Variants in CLEC16A observed in about 807,000 individuals in gnomAD.
CLEC16A encodes C-type lectin domain containing 16A.
CLEC16A carries 51 observed loss-of-function variants against 109.5 expected under a neutral mutation model. The ratio of observed to expected loss-of-function variants is 0.47; its 90% CI spans 0.37 to 0.59. CLEC16A has a LOEUF of 0.59. CLEC16A is among the 20% of genes least tolerant of loss of function. The pLI is 0.00. For synonymous variants in CLEC16A, 673 were observed against 564.2 expected (o/e 1.19, Z -2.73); for missense variants, 1,339 against 1,394.0 (o/e 0.96, Z 0.63).
chr16:11,170,353 A>G (rs2068454942), intron 23 of CLEC16A, among the ~76,000 whole-genome samples: 1 of 152,214 alleles, frequency 6.6e-6, no homozygotes. Context: ...AGTGGACCCC[A>G]GGGAGCCCAC....
intron 10 of CLEC16A, among the ~76,000 whole-genome samples, chr16:11,002,359 C>T (rs576395333): frequency 6.6e-6 from 1 of 151,738 alleles, no homozygotes; most frequent in South Asian, 2.1e-4. Flanking sequence ...GTAAAGTGCA[C>T]CATTTCTGAC....
At chr16:11,030,898 G>C (rs2046704649) in intron 13 of CLEC16A, among the ~76,000 whole-genome samples, 1 of 152,220 alleles carries the variant, frequency 6.6e-6, no homozygotes, top group Non-Finnish European at 1.5e-5. Flanking sequence ...ACCCGCCTCA[G>C]CCTCGAGAGT....
At chr16:11,134,110 G>A (rs900756882) in intron 22 of CLEC16A, among the ~76,000 whole-genome samples, 3 of 151,446 alleles carry the variant, frequency 2.0e-5, no homozygotes, top group Non-Finnish European at 2.9e-5. Flanking sequence ...TCCCTCCAGC[G>A]TCAGACCCTG....
Position 11,015,311 on chromosome 16 carries a change from G to C in CLEC16A, c.1304-4882G>C, listed in dbSNP as rs144551039. ...GAGGCCCATGTGGGTCTGGTTCTGC[G>C]TCAAGATGTGACACGGGGGTTGGGG... On this transcript the variant is annotated intron_variant, in intron 11 of 23. Coordinates refer to ENST00000409790, the MANE Select transcript of CLEC16A (RefSeq NM_015226.3). Among the ~76,000 whole-genome samples the C allele has an allele frequency of 6.0e-4, 91 of 151,880 alleles. 1 individual carries two copies. Among genetic ancestry groups the C allele is most frequent in the Non-Finnish European group, 1.3e-4 (9 of 67,948 alleles).
At chr16:11,066,228 G>C (rs541280416) in intron 19 of CLEC16A, among the ~76,000 whole-genome samples, 2 of 152,294 alleles carry the variant, frequency 1.3e-5, no homozygotes, top group South Asian at 4.1e-4. Context: ...GTGCCTGACA[G>C]AATTGCAGAG....
At position 10,982,871 on chromosome 16, in the gene CLEC16A, C is replaced by A. The variant is rs777680357; in HGVS notation, c.958-7C>A. 3 of 1,521,838 alleles carry A rather than the reference C, an allele frequency of 2.0e-6. No homozygotes were observed. Among genetic ancestry groups the A allele is most frequent in the Non-Finnish European group, 1.8e-6 (2 of 1,099,946 alleles). 94.3% of individuals were successfully genotyped at this position (1,521,838 alleles called of 1,614,324 possible). The stretch of plus-strand genomic sequence containing the variant: ...CATGCAAATCCCGTTTCTTTTTTTT[C>A]CGCCAGGTCTTCTTAATTATACATC... On this transcript the variant is annotated splice_polypyrimidine_tract_variant and splice_region_variant and intron_variant, in intron 9 of 23. Coordinates refer to ENST00000409790, the MANE Select transcript of CLEC16A (RefSeq NM_015226.3).
At chr16:10,946,435 CTT>C (rs1445362926) in intron 1 of CLEC16A, among the ~76,000 whole-genome samples, 1 of 151,986 alleles carries the variant, frequency 6.6e-6, no homozygotes, top group Non-Finnish European at 1.5e-5. Flanking sequence ...GTGAGGGGCA[CTT>C]TTAGAGCAGG....
At chr16:11,070,976 T>G (rs2049039751) in intron 19 of CLEC16A, 1 of 152,248 alleles carries the variant, frequency 6.6e-6, no homozygotes, top group South Asian at 2.1e-4. Flanking sequence ...AATGTGAATA[T>G]CATAAAGATT....
intron 19 of CLEC16A, among the ~76,000 whole-genome samples, chr16:11,088,129 C>T (rs920056754): frequency 1.3e-5 from 2 of 152,276 alleles, no homozygotes; most frequent in African/African-American, 2.4e-5. Context: ...TCCCTCAGTG[C>T]GGATCACACA....
At chr16:11,042,993 A>C (rs535935495) in intron 15 of CLEC16A, among the ~76,000 whole-genome samples, 1 of 151,672 alleles carries the variant, frequency 6.6e-6, no homozygotes, top group South Asian at 2.1e-4. Flanking sequence ...AAATATGTAC[A>C]TGTGAATATA....
intron 23 of CLEC16A, among the ~76,000 whole-genome samples, chr16:11,172,123 CACAT>C (rs1049715845): frequency 4.6e-5 from 7 of 152,060 alleles, no homozygotes; most frequent in Admixed American, 2.0e-4. Flanking sequence ...TAGTCACACA[CACAT>C]ACACAGTCAC....
chr16:11,090,231 T>A (rs1677628172), intron 19 of CLEC16A, among the ~76,000 whole-genome samples: 1 of 152,132 alleles, frequency 6.6e-6, no homozygotes, highest in Admixed American at 6.5e-5. Context: ...TTCACTTTTT[T>A]AAAAAATAGA....
chr16:10,982,853 ATCCC>A, intron 9 of CLEC16A, 21 bp from the exon 10 acceptor site: 1 of 1,370,382 alleles, frequency 7.3e-7, no homozygotes, highest in Non-Finnish European at 1.0e-6. Flanking sequence ...TTTCATGCAA[ATCCC>A]GTTTCTTTTT....
chr16:10,959,382 A>G (rs2042145906), intron 2 of CLEC16A, among the ~76,000 whole-genome samples: 2 of 152,084 alleles, frequency 1.3e-5, no homozygotes, highest in Admixed American at 1.3e-4. Context: ...TTAAGGATCC[A>G]TGGGGAATTT....
At chr16:11,121,531 A>T (rs2052408340) in intron 20 of CLEC16A, among the ~76,000 whole-genome samples, 1 of 152,126 alleles carries the variant, frequency 6.6e-6, no homozygotes, top group African/African-American at 2.4e-5. Context: ...CTTGCCAAGT[A>T]CCAAGCTGGG....
rs148476962 is a variant in CLEC16A, at chr16:10,982,715, C to T, written c.958-163C>T. ...GAGACTGACCTTACAAGAGTGGAAC[C>T]GAGTCCTGCTTCCTGTGGCTCATTC... is the stretch of plus-strand genomic sequence containing the variant. On this transcript the variant is annotated intron_variant, in intron 9 of 23. Coordinates refer to ENST00000409790, the MANE Select transcript of CLEC16A (RefSeq NM_015226.3). Among the ~76,000 whole-genome samples, 46 of 152,274 alleles carry T rather than the reference C, an allele frequency of 3.0e-4. 1 individual carries two copies. The East Asian group carries it at 7.3e-3, about 24-fold the overall frequency.
chr16:11,170,785 G>A (rs948112539), intron 23 of CLEC16A, among the ~76,000 whole-genome samples: 4 of 152,256 alleles, frequency 2.6e-5, no homozygotes, highest in Non-Finnish European at 5.9e-5. Flanking sequence ...GCATGATCTT[G>A]CAGGCAGGCG....
intron 7 of CLEC16A, among the ~76,000 whole-genome samples, chr16:10,976,678 C>A (rs1229168411): frequency 6.6e-6 from 1 of 152,194 alleles, no homozygotes; most frequent in African/African-American, 2.4e-5. Context: ...GAGACTGACT[C>A]CACCCAAGAG....
At chr16:11,052,484 G>A (rs1305851117) in intron 18 of CLEC16A, among the ~76,000 whole-genome samples, 1 of 152,184 alleles carries the variant, frequency 6.6e-6, no homozygotes, top group South Asian at 2.1e-4. Flanking sequence ...TGCAGCTGGT[G>A]GTTCTACCTC....
Sources: gnomAD v4.1 joint callset for allele counts (sites outside exome capture counted in the v4.1 genomes callset) on GRCh38, gnomAD v4.1.1 for gene constraint, MANE v1.5 for transcripts, NCBI Gene and HGNC (gene_info 2026-07-23, HGNC 2026-07-21) for gene names.